The following RPS6KC1 variants were observed in gnomAD, a reference collection of about 807,000 sequenced individuals.
RPS6KC1 encodes inactive ribosomal protein S6 kinase delta-1.
A neutral mutation model predicts 103.8 loss-of-function variants in RPS6KC1; 54 were observed. That is an observed-to-expected ratio of 0.52 (90% CI 0.42 to 0.65). RPS6KC1 has a LOEUF of 0.65. Ranked by LOEUF, RPS6KC1 falls within the 30% of genes least tolerant of loss-of-function variation. The pLI is 0.00. For synonymous variants in RPS6KC1, 439 were observed against 438.7 expected (o/e 1.00, Z -0.01); for missense variants, 1,151 against 1,253.8 (o/e 0.92, Z 1.24).
chr1:213,745,131 C>T, the RPS6KC1 span, among the ~76,000 whole-genome samples: 21 of 152,110 alleles, frequency 1.4e-4, no homozygotes, highest in African/African-American at 5.1e-4. Context: ...TAGAACTCTT[C>T]TTTATAATAC....
In RPS6KC1 at chr1:213,274,592, AAC is replaced by A. The variant is rs1320714715; in HGVS notation, c.*1962_*1963del. 6.6e-6 allele frequency: 1 copy of A among 152,210 alleles called. No individual in the cohort carries two copies. Among genetic ancestry groups the A allele is most frequent in the Non-Finnish European group, 1.5e-5 (1 of 68,044 alleles). The allele number at this position is 152,210 out of a possible 1,614,324, so 9.4% of individuals were successfully genotyped here. A position where few individuals can be genotyped will look rare whatever the true frequency, so the allele number is the denominator to read the frequency against. ...ATGGACATTAATTATTTTAGTAATA[AAC>A]ACAGGATAAATAGCTTTGGGGTGAT... is the stretch of plus-strand genomic sequence containing the variant. On this transcript the variant is annotated 3_prime_UTR_variant, in exon 15 of 15. Transcript: ENST00000366960.
rs140922746 is a variant in RPS6KC1 at position 213,218,800 on chromosome 1, G to C, written c.1045-11697G>C. On this transcript the variant is annotated intron_variant, in intron 8 of 14. Coordinates refer to ENST00000366960, the MANE Select transcript of RPS6KC1 (RefSeq NM_012424.6). Reference sequence around the variant, plus strand: ...ATTCCCTATTTAATAAATGGTGCTGGGAAAACTGGCTAGCCATATGTAGAA... The same window carrying C: ...ATTCCCTATTTAATAAATGGTGCTGCGAAAACTGGCTAGCCATATGTAGAA... Among the ~76,000 whole-genome samples, 323 of 152,236 alleles carry C rather than the reference G, an allele frequency of 2.1e-3. 2 individuals are homozygous for C. The highest frequency in any genetic ancestry group is 7.5e-3 in the African/African-American group (311 of 41,534).
At chr1:213,386,580 A>G in the RPS6KC1 span, among the ~76,000 whole-genome samples, 1 of 152,164 alleles carries the variant, frequency 6.6e-6, no homozygotes, top group African/African-American at 2.4e-5. Context: ...AAGACTTTGC[A>G]GGTCTTCCAT....
intron 8 of RPS6KC1, among the ~76,000 whole-genome samples, chr1:213,223,444 C>T (rs1052787880): frequency 6.6e-6 from 1 of 152,106 alleles, no homozygotes; most frequent in African/African-American, 2.4e-5. Context: ...CTCCCACTTA[C>T]GAGAACACAT....
chr1:213,442,801 G>T, the RPS6KC1 span, among the ~76,000 whole-genome samples: 1 of 152,026 alleles, frequency 6.6e-6, no homozygotes, highest in Admixed American at 6.6e-5. Flanking sequence ...GCTCCCCTGG[G>T]GACGCTGTGT....
intron 8 of RPS6KC1, among the ~76,000 whole-genome samples, chr1:213,216,902 G>A (rs1164358426): frequency 2.0e-5 from 3 of 151,898 alleles, no homozygotes; most frequent in Non-Finnish European, 4.4e-5. Context: ...AGCACTAAAT[G>A]CCCACAAGAG....
At chr1:213,094,088 C>T (rs1003035645) in intron 3 of RPS6KC1, among the ~76,000 whole-genome samples, 1 of 149,882 alleles carries the variant, frequency 6.7e-6, no homozygotes, top group Non-Finnish European at 1.5e-5. Context: ...TTTATGCTCC[C>T]CCCCCCCACC....
the RPS6KC1 span, among the ~76,000 whole-genome samples, chr1:213,458,381 T>C: frequency 6.6e-6 from 1 of 152,254 alleles, no homozygotes; most frequent in South Asian, 2.1e-4. Context: ...GTAACACTTT[T>C]TTTTTAATCC....
At chr1:213,115,875 C>G (rs2083540016) in intron 4 of RPS6KC1, among the ~76,000 whole-genome samples, 1 of 152,174 alleles carries the variant, frequency 6.6e-6, no homozygotes, top group African/African-American at 2.4e-5. Flanking sequence ...GAGTGAGTTT[C>G]TTAATCCTGA....
chr1:213,728,558 C>T, the RPS6KC1 span, among the ~76,000 whole-genome samples: 1 of 152,074 alleles, frequency 6.6e-6, no homozygotes, highest in Admixed American at 6.6e-5. Context: ...TTCTATAAAT[C>T]GGGATTATAA....
At chr1:213,182,894 C>T (rs924042582) in intron 8 of RPS6KC1, among the ~76,000 whole-genome samples, 165 of 145,098 alleles carry the variant, frequency 1.1e-3, no homozygotes, top group Middle Eastern at 7.3e-3. Flanking sequence ...ATATATATGA[C>T]GTATATATCA....
At chr1:213,140,414 T>C (rs563544304) in intron 6 of RPS6KC1, among the ~76,000 whole-genome samples, 1 of 152,238 alleles carries the variant, frequency 6.6e-6, no homozygotes, top group South Asian at 2.1e-4. Flanking sequence ...TGTCTTGTTC[T>C]GGTTCTCAAG....
At chr1:213,581,416 A>G in the RPS6KC1 span, among the ~76,000 whole-genome samples, 4 of 152,082 alleles carry the variant, frequency 2.6e-5, no homozygotes, top group African/African-American at 9.6e-5. Context: ...GGAGTTGAAA[A>G]TTCAGAAAAA....
At chr1:213,233,061 A>G (rs553859915) in intron 10 of RPS6KC1, among the ~76,000 whole-genome samples, 10 of 152,320 alleles carry the variant, frequency 6.6e-5, no homozygotes, top group South Asian at 2.1e-4. Flanking sequence ...AATAGGCATA[A>G]CATTTGTATT....
At position 213,244,186 on chromosome 1, in the gene RPS6KC1, C is replaced by T. The variant is rs17743319; in HGVS notation, c.2911+1528C>T. Among the ~76,000 whole-genome samples the T allele has an allele frequency of 5.6e-3, 849 of 150,562 alleles. 3 individuals carry two copies. Among genetic ancestry groups the T allele is most frequent in the Non-Finnish European group, 9.3e-3 (627 of 67,646 alleles). On this transcript the variant is annotated intron_variant, in intron 12 of 14. Transcript: ENST00000366960. ...ATTGCATGTTGAATTCACTTTATTACAGTTACTCGATTAAAAAAAAAAACC... is the reference window on the plus strand; with the variant it reads ...ATTGCATGTTGAATTCACTTTATTATAGTTACTCGATTAAAAAAAAAAACC...
chr1:213,332,887 A>C, the RPS6KC1 span, among the ~76,000 whole-genome samples: 1 of 152,146 alleles, frequency 6.6e-6, no homozygotes, highest in African/African-American at 2.4e-5. Flanking sequence ...TAACCATGGC[A>C]TGGTTAGGAG....
the RPS6KC1 span, among the ~76,000 whole-genome samples, chr1:213,788,898 C>CAG: frequency 3.9e-5 from 6 of 152,044 alleles, no homozygotes; most frequent in African/African-American, 1.5e-4. Context: ...CAGTTTCACA[C>CAG]ACACACACAA....
At chr1:213,581,277 C>T in the RPS6KC1 span, among the ~76,000 whole-genome samples, 1 of 152,060 alleles carries the variant, frequency 6.6e-6, no homozygotes, top group African/African-American at 2.4e-5. Flanking sequence ...GCCTGTCTCT[C>T]TCCCCCTTTT....
At chr1:213,374,941 G>A in the RPS6KC1 span, among the ~76,000 whole-genome samples, 11 of 152,114 alleles carry the variant, frequency 7.2e-5, no homozygotes, top group South Asian at 6.2e-4. Context: ...TGGTTTCTAC[G>A]TCTCATATAT....
Sources: allele counts gnomAD v4.1 joint callset (sites outside exome capture counted in the v4.1 genomes callset), GRCh38; gene constraint gnomAD v4.1.1; transcripts MANE v1.5; gene names NCBI Gene and HGNC (gene_info 2026-07-23, HGNC 2026-07-21).